ZNF678: variants seen among roughly 807,000 people sequenced by gnomAD.
ZNF678 encodes the protein hypothetical protein MGC42493.
ZNF678 carries 5 observed loss-of-function variants against 3.0 expected under a neutral mutation model. The observed-to-expected ratio is 1.69, with a 90% CI of 0.88 to 3.56. The LOEUF is 3.56. ZNF678 is among the 30% of genes most tolerant of loss of function. The pLI is 0.00. For missense variants in ZNF678, 593 were observed against 605.0 expected, an observed-to-expected ratio of 0.98 and a Z score of 0.21; for synonymous variants, 218 against 199.6, an observed-to-expected ratio of 1.09 and a Z score of -0.78.
chr1:227,589,385 C>T (rs1227145390), intron 1 of ZNF678, among the ~76,000 whole-genome samples: 2 of 151,750 alleles, frequency 1.3e-5, no homozygotes, highest in Non-Finnish European at 2.9e-5. Context: ...ATCTTAGCCC[C>T]ATTTATTAAA....
chr1:227,626,855 T>C (rs1658431357), intron 1 of ZNF678, among the ~76,000 whole-genome samples: 1 of 152,018 alleles, frequency 6.6e-6, no homozygotes, highest in Admixed American at 6.6e-5. Context: ...GGGGCCGTTA[T>C]CACTCTGTAA....
chr1:227,633,991 G>A (rs1407360952), intron 1 of ZNF678, among the ~76,000 whole-genome samples: 1 of 152,228 alleles, frequency 6.6e-6, no homozygotes, highest in Non-Finnish European at 1.5e-5. Context: ...GTGAGGAGAA[G>A]GAAGAGCGGG....
Position 227,638,280 on chromosome 1 carries a change from G to A in ZNF678, c.-163-8264G>A, listed in dbSNP as rs1313652638. On this transcript the variant is annotated intron_variant, in intron 1 of 3. Transcript: ENST00000343776. The surrounding 1 kb of genome is among the most constrained non-coding windows in gnomAD (Gnocchi z 4.2). Reference sequence around the variant, plus strand: ...AATGGGTGGTATTGGAGGGAATTGCGGAAAGTGAAGTATATGGGTCAGGAA... The same window carrying A: ...AATGGGTGGTATTGGAGGGAATTGCAGAAAGTGAAGTATATGGGTCAGGAA... 1.3e-5 allele frequency among the ~76,000 whole-genome samples: 2 copies of A among 152,170 alleles called. No homozygotes were observed. Among genetic ancestry groups the A allele is most frequent in the Non-Finnish European group, 2.9e-5 (2 of 68,026 alleles).
chr1:227,646,189 G>A (rs1658950836), intron 1 of ZNF678, among the ~76,000 whole-genome samples: 1 of 152,152 alleles, frequency 6.6e-6, no homozygotes, highest in Admixed American at 6.5e-5. Flanking sequence ...ATTTCTTGTT[G>A]TATGCGTTAA....
At chr1:227,590,602 C>T (rs558917576) in intron 1 of ZNF678, among the ~76,000 whole-genome samples, 18 of 151,792 alleles carry the variant, frequency 1.2e-4, no homozygotes, top group Non-Finnish European at 1.6e-4. Context: ...CTTCTCTTTT[C>T]GCAGGAAGCA....
At chr1:227,608,739 C>T (rs994510455) in intron 1 of ZNF678, among the ~76,000 whole-genome samples, 3 of 152,074 alleles carry the variant, frequency 2.0e-5, no homozygotes, top group African/African-American at 7.2e-5. Context: ...GTTATAAGAG[C>T]ACTTAAAATG....
At chr1:227,578,156 G>A (rs898623262) in intron 1 of ZNF678, among the ~76,000 whole-genome samples, 2 of 152,202 alleles carry the variant, frequency 1.3e-5, no homozygotes, top group East Asian at 1.9e-4. Flanking sequence ...TTTCTCTCCA[G>A]CTGTCTTTAA....
At chr1:227,620,153 A>G (rs1453959411) in intron 1 of ZNF678, among the ~76,000 whole-genome samples, 1 of 152,202 alleles carries the variant, frequency 6.6e-6, no homozygotes, top group African/African-American at 2.4e-5. Flanking sequence ...TTCAGTACCT[A>G]GGAGTGAGCC....
chr1:227,632,266 A>T (rs1320440142), intron 1 of ZNF678, among the ~76,000 whole-genome samples: 2 of 152,172 alleles, frequency 1.3e-5, no homozygotes, highest in Admixed American at 6.5e-5. Flanking sequence ...GAAGTTACAA[A>T]TTGCTCTAAT....
intron 5 of ZNF678, among the ~76,000 whole-genome samples, chr1:227,670,376 T>G (rs2102820359): frequency 6.6e-6 from 1 of 152,354 alleles, no homozygotes; most frequent in Non-Finnish European, 1.5e-5. Flanking sequence ...TAAAGTGTAA[T>G]TTGAACCAAA....
rs933923460 is a variant in ZNF678 at position 227,654,625 on chromosome 1, C to G, written c.375C>G (p.Tyr125Ter). The G allele has an allele frequency of 6.2e-7, 1 of 1,613,216 alleles. No homozygotes were observed. Among genetic ancestry groups the G allele is most frequent in the African/African-American group, 1.3e-5 (1 of 74,878 alleles). ...GAATTCATACTGGAGAGAAGCCATA[C>G]AAATGTGAAGAATGTGGCAAAGTTT... Reference protein sequence around the residue: ...HKRIHTGEKPYKCEECGKVFN... With the variant: ...HKRIHTGEKP The change falls in exon 4 of 4, where the codon TAC becomes TAG. Residue 125 changes from tyrosine to a stop codon, truncating the protein, a stop_gained. Transcript: ENST00000343776. LOFTEE classifies it low-confidence loss of function (END_TRUNC).
At position 227,659,004 on chromosome 1, in the gene ZNF678, A is replaced by T. The variant is rs1659328415; in HGVS notation, c.*3176A>T. ...TAAGGACACTTAATGGCAAGCAAAA[A>T]AGTTTAAATTTAGTTTTTTATAAAT... On this transcript the variant is annotated 3_prime_UTR_variant, in exon 4 of 4. Coordinates refer to ENST00000343776, the MANE Select transcript of ZNF678 (RefSeq NM_001367909.1). The T allele has an allele frequency of 6.6e-6, 1 of 152,052 alleles. No homozygotes were observed. The highest frequency in any genetic ancestry group is 6.6e-5 in the Admixed American group (1 of 15,262). The allele number at this position is 152,052 out of a possible 1,614,324, so 9.4% of individuals were successfully genotyped here.
chr1:227,606,134 G>A (rs1657861912), intron 1 of ZNF678, among the ~76,000 whole-genome samples: 1 of 152,116 alleles, frequency 6.6e-6, no homozygotes, highest in African/African-American at 2.4e-5. Context: ...GGGGCCCAGG[G>A]GACTGGCACA....
intron 1 of ZNF678, among the ~76,000 whole-genome samples, chr1:227,632,362 T>C (rs1658567529): frequency 6.6e-6 from 1 of 152,078 alleles, no homozygotes; most frequent in African/African-American, 2.4e-5. Flanking sequence ...AGGAGAATTT[T>C]GGGGCTACGC....
intron 1 of ZNF678, among the ~76,000 whole-genome samples, chr1:227,615,392 A>G (rs1313149196): frequency 6.6e-6 from 1 of 152,182 alleles, no homozygotes; most frequent in Non-Finnish European, 1.5e-5. Flanking sequence ...TTTGGCAGCC[A>G]TTTGGATGGA....
chr1:227,668,624 C>G (rs995513820), intron 5 of ZNF678, among the ~76,000 whole-genome samples: 1 of 152,162 alleles, frequency 6.6e-6, no homozygotes, highest in Non-Finnish European at 1.5e-5. Context: ...ACGTAAGCCA[C>G]TGGGGTCTAC....
intron 1 of ZNF678, chr1:227,598,948 G>T: frequency 1.2e-6 from 1 of 832,686 alleles, no homozygotes; most frequent in Non-Finnish European, 2.1e-6. Context: ...CTTTCTTCCA[G>T]TTCTCATTCA....
At chr1:227,593,457 G>A (rs963833938) in intron 1 of ZNF678, among the ~76,000 whole-genome samples, 1 of 152,190 alleles carries the variant, frequency 6.6e-6, no homozygotes, top group Non-Finnish European at 1.5e-5. Flanking sequence ...TGTTGGACCA[G>A]CTATGGCATG....
At chr1:227,593,100 C>T (rs1657460102) in intron 1 of ZNF678, among the ~76,000 whole-genome samples, 1 of 152,230 alleles carries the variant, frequency 6.6e-6, no homozygotes, top group African/African-American at 2.4e-5. Context: ...CAGGATATGG[C>T]AGAGAGAGCT....
Sources: allele counts gnomAD v4.1 joint callset (sites outside exome capture counted in the v4.1 genomes callset), GRCh38; gene constraint gnomAD v4.1.1; non-coding constraint Gnocchi (gnomAD v3.1); transcripts MANE v1.5; gene names NCBI Gene and HGNC (gene_info 2026-07-23, HGNC 2026-07-21).